The following AP5Z1 variants were observed in gnomAD, a reference collection of about 807,000 sequenced individuals.
AP5Z1 encodes AP-5 complex subunit zeta-1.
A neutral mutation model predicts 83.0 loss-of-function variants in AP5Z1; 106 were observed. That is an observed-to-expected ratio of 1.28 (90% CI 1.09 to 1.50). The LOEUF is 1.50. AP5Z1 is among the 40% of genes most tolerant of loss of function. The pLI, the probability that AP5Z1 is intolerant of heterozygous loss-of-function variation, is 0.00. For missense variants in AP5Z1, 1,565 were observed against 1,094.2 expected (o/e 1.43, Z -6.07); for synonymous variants, 751 against 514.1 (o/e 1.46, Z -6.23).
At chr7:4,790,104 C>A in intron 14 of AP5Z1, 175 bp downstream of exon 14, 1 of 1,346,934 alleles carries the variant, frequency 7.4e-7, no homozygotes, top group African/African-American at 2.0e-5. Context: ...AGGCACTTCT[C>A]TCTGCTTCTC....
At chr7:4,790,181 C>G in intron 14 of AP5Z1, 1 of 1,536,618 alleles carries the variant, frequency 6.5e-7, no homozygotes, top group East Asian at 2.4e-5. Flanking sequence ...TCCCTCTTCC[C>G]CGTCTTGTCC....
chr7:4,789,525 G>A (rs983075636), intron 13 of AP5Z1, among the ~76,000 whole-genome samples: 4 of 152,252 alleles, frequency 2.6e-5, no homozygotes, highest in African/African-American at 9.6e-5. Context: ...GCAGGGGGCT[G>A]GGCGTTGCTT....
chr7:4,781,966 A>G (rs369470822), intron 3 of AP5Z1, among the ~76,000 whole-genome samples: 1 of 152,364 alleles, frequency 6.6e-6, no homozygotes, highest in East Asian at 1.9e-4. Context: ...GTTGGTGCTC[A>G]GGAGAGGTGG....
rs369504789 is a variant in AP5Z1, at chr7:4,790,603, G to T, written c.1938+12G>T. 2 of 1,612,302 alleles carry T rather than the reference G, an allele frequency of 1.2e-6. No individual in the cohort carries two copies. Among genetic ancestry groups the T allele is most frequent in the African/African-American group, 2.7e-5 (2 of 74,916 alleles). Reference sequence around the variant, plus strand: ...TCGTCACCAGCGTGGTAAGGCGGGCGCTGGCCTCCCACAGCCGCTCCTGAC... The same window carrying T: ...TCGTCACCAGCGTGGTAAGGCGGGCTCTGGCCTCCCACAGCCGCTCCTGAC... On this transcript the variant is annotated intron_variant, in intron 15 of 16. Transcript: ENST00000649063.
chr7:4,788,598 G>A lies in AP5Z1; in HGVS notation c.1596-242G>A, dbSNP rs530692221. On this transcript the variant is annotated intron_variant, in intron 12 of 16. Coordinates refer to ENST00000649063, the MANE Select transcript of AP5Z1 (RefSeq NM_014855.3). The stretch of plus-strand genomic sequence containing the variant: ...CCTGAGCCCAGGAAGCAGGAGGCCT[G>A]GGACCGGCCACAGGCCTCCTGCCCT... 280 of 500,082 alleles carry A rather than the reference G, an allele frequency of 5.6e-4. 3 individuals carry two copies. The highest frequency in any genetic ancestry group is 5.1e-3 in the African/African-American group (261 of 50,938). The allele number at this position is 500,082 out of a possible 1,614,324, so 31.0% of individuals were successfully genotyped here. A position where few individuals can be genotyped will look rare whatever the true frequency, so the allele number is the denominator to read the frequency against.
rs780199542 is a variant in AP5Z1, at chr7:4,775,674, T to C, written c.-42T>C. The C allele has an allele frequency of 5.6e-6, 9 of 1,605,298 alleles. No homozygotes were observed. Among genetic ancestry groups the C allele is most frequent in the South Asian group, 4.4e-5 (4 of 90,908 alleles). ...TGCGGAGCTCCTGGGCTGCAGCTCCTGGAGTTTCCGAGGTTCGTGCGCGTC... is the reference window on the plus strand; with the variant it reads ...TGCGGAGCTCCTGGGCTGCAGCTCCCGGAGTTTCCGAGGTTCGTGCGCGTC... On this transcript the variant is annotated 5_prime_UTR_variant, in exon 1 of 17. Coordinates refer to ENST00000649063, the MANE Select transcript of AP5Z1 (RefSeq NM_014855.3).
Position 4,781,565 on chromosome 7 carries a change from C to G in AP5Z1, c.180-3C>G, listed in dbSNP as rs1481553557. ...CGCCCACCACGGGCATCTCGCCTTC[C>G]AGGCTGGAGAAGACATGCGTAGACC... is the stretch of plus-strand genomic sequence containing the variant. On this transcript the variant is annotated splice_polypyrimidine_tract_variant and splice_region_variant and intron_variant, in intron 2 of 16. Coordinates refer to ENST00000649063, the MANE Select transcript of AP5Z1 (RefSeq NM_014855.3). 16 of 1,602,892 alleles carry G rather than the reference C, an allele frequency of 1.0e-5. No homozygotes were observed. The highest frequency in any genetic ancestry group is 1.4e-5 in the Non-Finnish European group (16 of 1,171,896).
chr7:4,787,465 G>A lies in AP5Z1; in HGVS notation c.1312-169G>A, dbSNP rs112887769. On this transcript the variant is annotated intron_variant, in intron 10 of 16. Transcript: ENST00000649063. ...TGCACCACTGCACTCCAGCCTGGGC[G>A]ACAGAGCAAGACCCTGTCTCAAAAA... The A allele has an allele frequency of 0.068, 68,961 of 1,019,876 alleles. 2,705 individuals are homozygous for A. The highest frequency in any genetic ancestry group is 0.078 in the Non-Finnish European group (56,873 of 730,190). 63.2% of individuals were successfully genotyped at this position (1,019,876 alleles called of 1,614,324 possible). A position where few individuals can be genotyped will look rare whatever the true frequency, so the allele number is the denominator to read the frequency against.
Position 4,790,894 on chromosome 7 carries a change from G to A in AP5Z1, c.2153+7G>A, listed in dbSNP as rs763661013. On this transcript the variant is annotated splice_region_variant and intron_variant, in intron 16 of 16. Coordinates refer to ENST00000649063, the MANE Select transcript of AP5Z1 (RefSeq NM_014855.3). ...GCCAAGATCTGATCCCCAGGTGCCT[G>A]GTCAGGGAGGGAGCGAAGCCTTCTG... 13 of 1,592,252 alleles carry A rather than the reference G, an allele frequency of 8.2e-6. No homozygotes were observed. Among genetic ancestry groups the A allele is most frequent in the Middle Eastern group, 1.7e-4 (1 of 5,890 alleles).
rs569601905 is a variant in AP5Z1 at position 4,788,861 on chromosome 7, G to C, written c.1617G>C (p.Leu539=). The change falls in exon 13 of 17, where the codon CTG becomes CTC. Residue 539 remains leucine (L), a synonymous_variant. Coordinates refer to ENST00000649063, the MANE Select transcript of AP5Z1 (RefSeq NM_014855.3). The part of the protein sequence containing the change: ...ATERLAPLHQ[L]LQPMAGCARV... Reference sequence around the variant, plus strand: ...TCAGGTTGGCGCCACTCCACCAGCTGCTGCAGCCCATGGCCGGCTGTGCCC... The same window carrying C: ...TCAGGTTGGCGCCACTCCACCAGCTCCTGCAGCCCATGGCCGGCTGTGCCC... The C allele has an allele frequency of 4.5e-5, 72 of 1,608,568 alleles. No individual in the cohort carries two copies. Among genetic ancestry groups the C allele is most frequent in the Non-Finnish European group, 5.8e-5 (68 of 1,178,204 alleles).
In AP5Z1 at chr7:4,781,653, A is replaced by C; in HGVS notation, c.265A>C (p.Ile89Leu). ...PEQLQVLCAA[I>L]LREMSPSDSL... ...GCAGCTCCAGGTGCTTTGCGCCGCC[A>C]TCCTGCGAGAGATGTCCCCCTCTGA... Residue 89 changes from isoleucine (I) to leucine (L), a missense_variant, in exon 3 of 17, where the codon ATC (isoleucine) becomes CTC (leucine). Coordinates refer to ENST00000649063, the MANE Select transcript of AP5Z1 (RefSeq NM_014855.3). 1 of 1,605,958 alleles carries C rather than the reference A, an allele frequency of 6.2e-7. No individual in the cohort carries two copies. Among genetic ancestry groups the C allele is most frequent in the Non-Finnish European group, 8.5e-7 (1 of 1,174,222 alleles).
chr7:4,785,035 G>A lies in AP5Z1; in HGVS notation c.918G>A (p.Glu306=), dbSNP rs754740700. The A allele has an allele frequency of 6.9e-6, 11 of 1,603,594 alleles. No individual in the cohort carries two copies. In the Admixed American group the frequency reaches 1.3e-4, roughly 20 times the overall value. Residue 306 remains glutamate (E), a synonymous_variant, in exon 7 of 17, where the codon GAG becomes GAA. Transcript: ENST00000649063. ...VAFEYCQRLI[E]QSNRRALRKG... ...TCGAGTACTGCCAGCGCCTCATTGA[G>A]CAAAGTAACCGACGTGAGTCCCCCA... is the stretch of plus-strand genomic sequence containing the variant.
At chr7:4,788,091 A>G in intron 11 of AP5Z1, 63 bp from the exon 12 acceptor site, 1 of 1,458,502 alleles carries the variant, frequency 6.9e-7, no homozygotes, top group Non-Finnish European at 9.1e-7. Context: ...TGTCTCCCTG[A>G]CGGGGGTGCC....
In AP5Z1 at chr7:4,788,816, C is replaced by T. The variant is rs373424098; in HGVS notation, c.1596-24C>T. 3 of 1,573,464 alleles carry T rather than the reference C, an allele frequency of 1.9e-6. No homozygotes were observed. In the African/African-American group the frequency reaches 4.0e-5, roughly 21 times the overall value. The stretch of plus-strand genomic sequence containing the variant: ...TCACCAGGTCGGGGAGCGGGCAGCA[C>T]TCACGGCCACACTGTGTCCTCAGGT... On this transcript the variant is annotated intron_variant, in intron 12 of 16. Coordinates refer to ENST00000649063, the MANE Select transcript of AP5Z1 (RefSeq NM_014855.3).
chr7:4,780,331 A>C (rs1781345590), intron 1 of AP5Z1, among the ~76,000 whole-genome samples: 1 of 152,218 alleles, frequency 6.6e-6, no homozygotes, highest in Non-Finnish European at 1.5e-5. Context: ...ATAAGATTTT[A>C]TTCTCAGGCC....
rs778697136 is a variant in AP5Z1, at chr7:4,793,632, T to TAGCCCCGCCAGCC, written c.*2248_*2260dup. 7.0e-6 allele frequency: 1 copy of TAGCCCCGCCAGCC among 143,862 alleles called. No individual in the cohort carries two copies. The highest frequency in any genetic ancestry group is 1.5e-5 in the Non-Finnish European group (1 of 65,522). The allele number at this position is 143,862 out of a possible 1,614,324, so 8.9% of individuals were successfully genotyped here. A position where few individuals can be genotyped will look rare whatever the true frequency, so the allele number is the denominator to read the frequency against. ...GGGCCCCGCACTCGGAGCCGCCGGC[T>TAGCCCCGCCAGCC]AGCCCCGCCAGCCTGGGCAGTGAGG... On this transcript the variant is annotated 3_prime_UTR_variant, in exon 17 of 17. Transcript: ENST00000649063.
At chr7:4,782,532 C>G (rs894198219) in intron 3 of AP5Z1, among the ~76,000 whole-genome samples, 15 of 152,192 alleles carry the variant, frequency 9.9e-5, no homozygotes, top group African/African-American at 3.6e-4. Context: ...GCCTCCTGTG[C>G]TGGGGTGCAG....
intron 9 of AP5Z1, 118 bp from the exon 10 acceptor site, chr7:4,786,132 G>A (rs1282708487): frequency 2.3e-5 from 25 of 1,071,832 alleles, no homozygotes; most frequent in South Asian, 9.1e-5. Context: ...AGCGTAGGAC[G>A]CCTCGGAGCC....
chr7:4,784,180 A>G (rs572533659), intron 5 of AP5Z1, 23 bp from the exon 6 acceptor site: 1 of 1,567,790 alleles, frequency 6.4e-7, no homozygotes, highest in Non-Finnish European at 8.6e-7. Context: ...CCCTCCGCCC[A>G]CTCCTGCCTG....
Sources: gnomAD v4.1 joint callset for allele counts (sites outside exome capture counted in the v4.1 genomes callset) on GRCh38, gnomAD v4.1.1 for gene constraint, MANE v1.5 for transcripts, NCBI Gene and HGNC (gene_info 2026-07-23, HGNC 2026-07-21) for gene names.